The following ATP8B2 variants were observed in gnomAD, a reference collection of about 807,000 sequenced individuals.
ATP8B2 encodes the protein ATPase phospholipid transporting 8B2, also known as phospholipid-transporting ATPase ID.
ATP8B2 carries 70 observed loss-of-function variants against 133.4 expected under a neutral mutation model. That is an observed-to-expected ratio of 0.52 (90% CI 0.43 to 0.64). The LOEUF is 0.64. Ranked by LOEUF, ATP8B2 falls within the 30% of genes least tolerant of loss-of-function variation. ATP8B2 has a pLI of 0.00. For missense variants in ATP8B2, 1,101 were observed against 1,535.7 expected, an observed-to-expected ratio of 0.72 and a Z score of 4.73; for synonymous variants, 517 against 589.5, an observed-to-expected ratio of 0.88 and a Z score of 1.78.
Position 154,344,056 on chromosome 1 carries a change from T to C in ATP8B2, c.1922T>C (p.Met641Thr). Residue 641 changes from methionine to threonine, a missense_variant and splice_region_variant, in exon 18 of 28, where the codon ATG becomes ACG. Transcript: ENST00000368489. This position sits in a 1 kb window ranked among gnomAD's most constrained non-coding sequence, Gnocchi z 4.1. The stretch of plus-strand genomic sequence containing the variant: ...TATGAGGAGGTTGAGAACAACATGA[T>C]GGTACGGGCTGCGGGACGGGCCAAG... Reference protein sequence around the residue: ...SIYEEVENNMMLLGATAIEDK... With the variant: ...SIYEEVENNMTLLGATAIEDK... 1 of 1,613,894 alleles carries C rather than the reference T, an allele frequency of 6.2e-7. No individual in the cohort carries two copies. Among genetic ancestry groups the C allele is most frequent in the Non-Finnish European group, 8.5e-7 (1 of 1,179,812 alleles).
rs1686527326 is a variant in ATP8B2, at chr1:154,344,860, CT to C, written c.2286+76del. The stretch of plus-strand genomic sequence containing the variant: ...CTGTCCAGGGCTTTTATATCTTGTT[CT>C]AATTTCCCCTGATTTCAGAGAAGAC... On this transcript the variant is annotated intron_variant, in intron 21 of 27. Coordinates refer to ENST00000368489, the MANE Select transcript of ATP8B2 (RefSeq NM_001370597.1). The surrounding 1 kb of genome is among the most constrained non-coding windows in gnomAD (Gnocchi z 4.1). 5 of 1,544,490 alleles carry C rather than the reference CT, an allele frequency of 3.2e-6. No homozygotes were observed. Among genetic ancestry groups the C allele is most frequent in the Non-Finnish European group, 4.4e-6 (5 of 1,144,420 alleles).
At position 154,345,922 on chromosome 1, in the gene ATP8B2, G is replaced by A. The variant is rs1019195842; in HGVS notation, c.2778+39G>A. On this transcript the variant is annotated intron_variant, in intron 24 of 27. Transcript: ENST00000368489. This position sits in a 1 kb window ranked among gnomAD's most constrained non-coding sequence, Gnocchi z 5.6. ...TGATGATCAGATGGGATGCGGGGAA[G>A]GTCACTGCTTGAAGGAGTCACATAG... 2 of 1,543,060 alleles carry A rather than the reference G, an allele frequency of 1.3e-6. No homozygotes were observed. The highest frequency in any genetic ancestry group is 1.8e-6 in the Non-Finnish European group (2 of 1,116,096).
Position 154,348,390 on chromosome 1 carries a change from A to G in ATP8B2, c.3164-18A>G. 1 of 1,590,696 alleles carries G rather than the reference A, an allele frequency of 6.3e-7. No individual in the cohort carries two copies. Among genetic ancestry groups the G allele is most frequent in the Non-Finnish European group, 8.6e-7 (1 of 1,162,348 alleles). ...TGCCTCGTGACTCCCAAGGCCACTG[A>G]CTCCTCTTCATCCCCAGGGAATGCC... On this transcript the variant is annotated intron_variant, in intron 26 of 27. Transcript: ENST00000368489.
At chr1:154,338,498 A>G (rs1348477162) in intron 12 of ATP8B2, among the ~76,000 whole-genome samples, 9 of 152,146 alleles carry the variant, frequency 5.9e-5, no homozygotes, top group Non-Finnish European at 1.2e-4. Flanking sequence ...CGTCTCTACT[A>G]AAAATACAAA....
Position 154,343,089 on chromosome 1 carries a change from C to A in ATP8B2, c.1454-24C>A, listed in dbSNP as rs199713696. 1 of 1,606,016 alleles carries A rather than the reference C, an allele frequency of 6.2e-7. No homozygotes were observed. The highest frequency in any genetic ancestry group is 1.7e-5 in the Admixed American group (1 of 59,144). On this transcript the variant is annotated intron_variant, in intron 15 of 27. Transcript: ENST00000368489. The surrounding 1 kb of genome is among the most constrained non-coding windows in gnomAD (Gnocchi z 5.8). ...TGGCTGAGGGAAGCCACTTATATCA[C>A]GTGTATTCTTCCTCCCCACCCAGGA...
chr1:154,334,140 T>A lies in ATP8B2; in HGVS notation c.623T>A (p.Leu208Gln), dbSNP rs745486480. Residue 208 changes from leucine (L) to glutamine (Q), a missense_variant, in exon 10 of 28, where the codon CTG (leucine) becomes CAG (glutamine). Leu to Gln is a moderately radical substitution (Grantham distance 113). Transcript: ENST00000368489. This position sits in a 1 kb window ranked among gnomAD's most constrained non-coding sequence, Gnocchi z 4.6. ...ATCTGTGAACCTCCCAACAACAAAC[T>A]GGACAAATTCAGCGGAACCCTCTAC... The part of the protein sequence containing the change: ...EVICEPPNNK[L>Q]DKFSGTLYWK... 11 of 1,614,102 alleles carry A rather than the reference T, an allele frequency of 6.8e-6. No individual in the cohort carries two copies. In the Admixed American group the frequency reaches 1.8e-4, roughly 27 times the overall value.
chr1:154,348,539 G>A lies in ATP8B2; in HGVS notation c.3294+1G>A. 6.2e-7 allele frequency: 1 copy of A among 1,613,452 alleles called. No homozygotes were observed. Among genetic ancestry groups the A allele is most frequent in the Non-Finnish European group, 8.5e-7 (1 of 1,179,674 alleles). On this transcript the variant is annotated splice_donor_variant, in intron 27 of 27. Coordinates refer to ENST00000368489, the MANE Select transcript of ATP8B2 (RefSeq NM_001370597.1). LOFTEE classifies it high-confidence loss of function. ...CCTGAAGCCGGATCTCTCCGACACG[G>A]TGAGAAGCCAGGCTACCTGCTGTGG...
Position 154,348,914 on chromosome 1 carries a change from C to T in ATP8B2, c.3369C>T (p.Gly1123=). Residue 1123 remains glycine, a synonymous_variant, in exon 28 of 28, where the codon GGC becomes GGT. Coordinates refer to ENST00000368489, the MANE Select transcript of ATP8B2 (RefSeq NM_001370597.1). ...HRCMRRVGRT[G]SRRSGYAFSH... is the part of the protein sequence containing the mutation. ...GCATGCGGCGGGTTGGCCGCACTGG[C>T]TCCCGGCGCTCCGGCTATGCCTTCT... 6.2e-7 allele frequency: 1 copy of T among 1,613,818 alleles called. No individual in the cohort carries two copies. The highest frequency in any genetic ancestry group is 8.5e-7 in the Non-Finnish European group (1 of 1,179,870).
intron 11 of ATP8B2, among the ~76,000 whole-genome samples, chr1:154,337,105 GT>G (rs71077943): frequency 0.28 from 20,739 of 73,742 alleles, 1,439 homozygotes; most frequent in South Asian, 0.4. Flanking sequence ...GCCCATAATA[GT>G]TTTTTTTTTT....
rs1205112401 is a variant in ATP8B2, at chr1:154,350,280, A to C, written c.*1162A>C. 1 of 152,142 alleles carries C rather than the reference A, an allele frequency of 6.6e-6. No individual in the cohort carries two copies. Among genetic ancestry groups the C allele is most frequent in the Non-Finnish European group, 1.5e-5 (1 of 68,070 alleles). The allele number at this position is 152,142 out of a possible 1,614,324, so 9.4% of individuals were successfully genotyped here. ...GTAGAGATGTTTCACCATGTTGGCC[A>C]GGCTAGTCTTGAATTCCTGACCTCC... On this transcript the variant is annotated 3_prime_UTR_variant, in exon 28 of 28. Transcript: ENST00000368489.
In ATP8B2 at chr1:154,345,908, T is replaced by C. The variant is rs1430904079; in HGVS notation, c.2778+25T>C. 3.2e-6 allele frequency: 5 copies of C among 1,573,620 alleles called. No individual in the cohort carries two copies. The highest frequency in any genetic ancestry group is 3.5e-6 in the Non-Finnish European group (4 of 1,143,408). On this transcript the variant is annotated intron_variant, in intron 24 of 27. Coordinates refer to ENST00000368489, the MANE Select transcript of ATP8B2 (RefSeq NM_001370597.1). The surrounding 1 kb of genome is among the most constrained non-coding windows in gnomAD (Gnocchi z 5.6). ...GGTATGGGGGAGTTTGATGATCAGA[T>C]GGGATGCGGGGAAGGTCACTGCTTG...
chr1:154,327,908 G>A, intron 1 of ATP8B2, 197 bp from the exon 2 acceptor site: 1 of 1,585,504 alleles, frequency 6.3e-7, no homozygotes, highest in Non-Finnish European at 8.7e-7. Context: ...CCCAAGGCAG[G>A]GGCATGATGG....
Position 154,328,284 on chromosome 1 carries a change from T to C in ATP8B2, c.31+112T>C. 1.7e-6 allele frequency: 2 copies of C among 1,183,488 alleles called. No individual in the cohort carries two copies. The highest frequency in any genetic ancestry group is 2.5e-6 in the Non-Finnish European group (2 of 796,126). 73.3% of individuals were successfully genotyped at this position (1,183,488 alleles called of 1,614,324 possible). A position where few individuals can be genotyped will look rare whatever the true frequency, so the allele number is the denominator to read the frequency against. ...GGTATGGGTCTGAGGGAGGGTAGCT[T>C]ACAGCAGCCCCTACCCAGCTTGGGG... On this transcript the variant is annotated intron_variant, in intron 2 of 27. Coordinates refer to ENST00000368489, the MANE Select transcript of ATP8B2 (RefSeq NM_001370597.1). This position sits in a 1 kb window ranked among gnomAD's most constrained non-coding sequence, Gnocchi z 4.6.
chr1:154,345,938 A>C lies in ATP8B2; in HGVS notation c.2778+55A>C, dbSNP rs1558275465. On this transcript the variant is annotated intron_variant, in intron 24 of 27. Transcript: ENST00000368489. The surrounding 1 kb of genome is among the most constrained non-coding windows in gnomAD (Gnocchi z 5.6). ...TGCGGGGAAGGTCACTGCTTGAAGG[A>C]GTCACATAGACGTGGTGTGTGACAC... 4 of 1,473,808 alleles carry C rather than the reference A, an allele frequency of 2.7e-6. No individual in the cohort carries two copies. Among genetic ancestry groups the C allele is most frequent in the Non-Finnish European group, 3.8e-6 (4 of 1,054,372 alleles). The allele number at this position is 1,473,808 out of a possible 1,614,324, so 91.3% of individuals were successfully genotyped here. A position where few individuals can be genotyped will look rare whatever the true frequency, so the allele number is the denominator to read the frequency against.
rs201812641 is a variant in ATP8B2, at chr1:154,345,811, C to T, written c.2706C>T (p.Asp902=). The T allele has an allele frequency of 2.5e-5, 40 of 1,612,956 alleles. No individual in the cohort carries two copies. Among genetic ancestry groups the T allele is most frequent in the Admixed American group, 3.3e-5 (2 of 60,020 alleles). ...CTGTTCTCTTCCAGACCGTCTATGA[C>T]CAGTATTTCATCACCCTGTATAACA... is the stretch of plus-strand genomic sequence containing the variant. ...FCGFSAQTVY[D]QYFITLYNIV... is the part of the protein sequence containing the mutation. Residue 902 remains aspartate (D), a synonymous_variant, in exon 24 of 28, where the codon GAC becomes GAT. Transcript: ENST00000368489. The surrounding 1 kb of genome is among the most constrained non-coding windows in gnomAD (Gnocchi z 5.6).
Position 154,325,685 on chromosome 1 carries a change from C to CGAGCGCT in ATP8B2, c.-44_-38dup, listed in dbSNP as rs998703496. On this transcript the variant is annotated 5_prime_UTR_variant, in exon 1 of 28. Transcript: ENST00000368489. ...AGTACGGGGCCGCCGGGGCGGGCGC[C>CGAGCGCT]GAGCGCTGAGCGCTGAGGTGAGGCG... is the stretch of plus-strand genomic sequence containing the variant. The CGAGCGCT allele has an allele frequency of 1.3e-5, 2 of 151,982 alleles. No homozygotes were observed. The highest frequency in any genetic ancestry group is 1.5e-5 in the Non-Finnish European group (1 of 68,030). 9.4% of individuals were successfully genotyped at this position (151,982 alleles called of 1,614,324 possible). A position where few individuals can be genotyped will look rare whatever the true frequency, so the allele number is the denominator to read the frequency against.
chr1:154,341,637 AC>A (rs1686387457), intron 13 of ATP8B2: 1 of 158,366 alleles, frequency 6.3e-6, no homozygotes, highest in East Asian at 1.9e-4. Flanking sequence ...TACTAAAAAT[AC>A]AAAAAATAGC....
Position 154,328,305 on chromosome 1 carries a change from TG to T in ATP8B2, c.31+138del. The T allele has an allele frequency of 2.0e-6, 2 of 986,980 alleles. No homozygotes were observed. Among genetic ancestry groups the T allele is most frequent in the Non-Finnish European group, 3.2e-6 (2 of 630,150 alleles). 61.1% of individuals were successfully genotyped at this position (986,980 alleles called of 1,614,324 possible). A position where few individuals can be genotyped will look rare whatever the true frequency, so the allele number is the denominator to read the frequency against. On this transcript the variant is annotated intron_variant, in intron 2 of 27. Coordinates refer to ENST00000368489, the MANE Select transcript of ATP8B2 (RefSeq NM_001370597.1). This position sits in a 1 kb window ranked among gnomAD's most constrained non-coding sequence, Gnocchi z 4.6. The stretch of plus-strand genomic sequence containing the variant: ...AGCTTACAGCAGCCCCTACCCAGCT[TG>T]GGGGCAGCCTAGGAAACCGAATTCT...
Position 154,346,680 on chromosome 1 carries a change from G to A in ATP8B2, c.3085G>A (p.Ala1029Thr). ...CCACTTCTTCATCTGGGGAAGCCTT[G>A]CTGTTTACTTTGCCATCCTCTTTGC... ...INHFFIWGSLAVYFAILFAMH... is the reference protein window; with the variant it reads ...INHFFIWGSLTVYFAILFAMH... Residue 1029 changes from alanine (A) to threonine (T), a missense_variant, in exon 26 of 28, where the codon GCT becomes ACT. Physicochemically the swap from Ala to Thr is moderately conservative, Grantham distance 58. Transcript: ENST00000368489. This position sits in a 1 kb window ranked among gnomAD's most constrained non-coding sequence, Gnocchi z 4.5. 1 of 1,614,194 alleles carries A rather than the reference G, an allele frequency of 6.2e-7. No homozygotes were observed.
Sources: allele counts gnomAD v4.1 joint callset (sites outside exome capture counted in the v4.1 genomes callset), GRCh38; gene constraint gnomAD v4.1.1; non-coding constraint Gnocchi (gnomAD v3.1); transcripts MANE v1.5; gene names NCBI Gene and HGNC (gene_info 2026-07-23, HGNC 2026-07-21).